The following MARCHF5 variants were observed in gnomAD, a reference collection of about 807,000 sequenced individuals.
MARCHF5 encodes the protein E3 ubiquitin-protein ligase MARCHF5.
MARCHF5 carries 5 observed loss-of-function variants against 36.5 expected under a neutral mutation model. That is an observed-to-expected ratio of 0.14 (90% CI 0.07 to 0.29). The LOEUF is 0.29. Among genes scored for constraint, MARCHF5 ranks in the 10% least tolerant of loss-of-function variants. The pLI is 1.00. For synonymous variants in MARCHF5, 103 were observed against 109.9 expected (o/e 0.94, Z 0.39); for missense variants, 179 against 336.3 (o/e 0.53, Z 3.66).
At chr10:92,315,833 C>G (rs1299268431) in intron 2 of MARCHF5, among the ~76,000 whole-genome samples, 1 of 152,188 alleles carries the variant, frequency 6.6e-6, no homozygotes, top group Non-Finnish European at 1.5e-5. Context: ...TTAGCCCTTT[C>G]CTTTTCATTT....
chr10:92,292,901 A>AG (rs1251582397), intron 1 of MARCHF5, among the ~76,000 whole-genome samples: 1 of 152,128 alleles, frequency 6.6e-6, no homozygotes, highest in Non-Finnish European at 1.5e-5. Flanking sequence ...CCAGTTGTCT[A>AG]GGGGGTCTGA....
intron 1 of MARCHF5, among the ~76,000 whole-genome samples, chr10:92,305,278 G>T (rs1288930745): frequency 6.6e-6 from 1 of 151,952 alleles, no homozygotes; most frequent in Non-Finnish European, 1.5e-5. Context: ...GTGGTGGCAC[G>T]TGCCTGTAGT....
chr10:92,340,343 A>G (rs1320426942), intron 2 of MARCHF5, among the ~76,000 whole-genome samples: 1 of 152,258 alleles, frequency 6.6e-6, no homozygotes, highest in Non-Finnish European at 1.5e-5. Context: ...GAAATTCTCA[A>G]CTATTCTAGT....
At chr10:92,302,332 G>A (rs1843025110) in intron 1 of MARCHF5, among the ~76,000 whole-genome samples, 1 of 152,152 alleles carries the variant, frequency 6.6e-6, no homozygotes, top group Admixed American at 6.5e-5. Context: ...CCACTAGGAT[G>A]AACGGACATA....
chr10:92,298,759 C>T (rs896409017), intron 1 of MARCHF5, among the ~76,000 whole-genome samples: 26 of 152,160 alleles, frequency 1.7e-4, no homozygotes, highest in Admixed American at 1.5e-3. Flanking sequence ...GACGGGCTTT[C>T]GCCGTGTTGC....
intron 1 of MARCHF5, among the ~76,000 whole-genome samples, chr10:92,304,169 A>G (rs1341859874): frequency 1.3e-5 from 2 of 152,216 alleles, no homozygotes; most frequent in Non-Finnish European, 2.9e-5. Context: ...CAGGGTGCCA[A>G]GTAGAATTGC....
intron 1 of MARCHF5, among the ~76,000 whole-genome samples, chr10:92,295,420 T>A (rs546273468): frequency 1.4e-5 from 2 of 147,622 alleles, no homozygotes; most frequent in Admixed American, 1.3e-4. Flanking sequence ...TTTTATTTTT[T>A]TTTTTGAGAC....
chr10:92,319,029 C>T (rs1180001518), intron 2 of MARCHF5, among the ~76,000 whole-genome samples: 1 of 152,204 alleles, frequency 6.6e-6, no homozygotes. Flanking sequence ...TAACTATAGC[C>T]GTACTACACT....
intron 3 of MARCHF5, among the ~76,000 whole-genome samples, chr10:92,343,044 T>C (rs1362767096): frequency 6.6e-6 from 1 of 152,096 alleles, no homozygotes; most frequent in South Asian, 2.1e-4. Flanking sequence ...CTGACATGAG[T>C]GTAGTGAATA....
At chr10:92,340,581 G>GGAA in intron 2 of MARCHF5, 92 bp from the exon 3 acceptor site, 1 of 1,203,382 alleles carries the variant, frequency 8.3e-7, no homozygotes, top group Admixed American at 2.4e-5. Flanking sequence ...CTTGTTGGGG[G>GGAA]GAAGGTATTT....
intron 1 of MARCHF5, among the ~76,000 whole-genome samples, chr10:92,302,208 C>CAGAT (rs1025418265): frequency 1.3e-5 from 2 of 152,044 alleles, no homozygotes; most frequent in African/African-American, 4.8e-5. Flanking sequence ...GTTGAATGAA[C>CAGAT]AGATGCAGAA....
At chr10:92,298,723 C>T (rs903894110) in intron 1 of MARCHF5, among the ~76,000 whole-genome samples, 3 of 152,100 alleles carry the variant, frequency 2.0e-5, no homozygotes, top group East Asian at 1.9e-4. Flanking sequence ...ACTGCATGTC[C>T]AGCTAATTTT....
chr10:92,320,341 T>C (rs1412050163), intron 2 of MARCHF5, among the ~76,000 whole-genome samples: 1 of 152,074 alleles, frequency 6.6e-6, no homozygotes, highest in Non-Finnish European at 1.5e-5. Context: ...ACAGGCATGA[T>C]CCACCATACC....
chr10:92,334,306 G>A (rs1303743369), intron 2 of MARCHF5, among the ~76,000 whole-genome samples: 1 of 152,322 alleles, frequency 6.6e-6, no homozygotes, highest in Non-Finnish European at 1.5e-5. Flanking sequence ...TGTCTTGCTT[G>A]TTGAATCTCT....
intron 2 of MARCHF5, among the ~76,000 whole-genome samples, chr10:92,318,954 G>A (rs553290418): frequency 1.5e-4 from 23 of 152,222 alleles, no homozygotes; most frequent in African/African-American, 4.1e-4. Flanking sequence ...TGATCCACCC[G>A]CCTCGGCCTC....
intron 1 of MARCHF5, among the ~76,000 whole-genome samples, chr10:92,298,832 G>A (rs571898022): frequency 6.6e-6 from 1 of 152,060 alleles, no homozygotes; most frequent in South Asian, 2.1e-4. Context: ...CATAGTGCTG[G>A]GATTACAGGC....
intron 3 of MARCHF5, among the ~76,000 whole-genome samples, chr10:92,347,526 TA>T (rs1203697041): frequency 1.3e-3 from 132 of 105,234 alleles, no homozygotes; most frequent in African/African-American, 4.4e-3. Flanking sequence ...AGATAGATGA[TA>T]GATATATAGA....
At chr10:92,325,982 C>T (rs1843353223) in intron 2 of MARCHF5, among the ~76,000 whole-genome samples, 1 of 152,118 alleles carries the variant, frequency 6.6e-6, no homozygotes, top group Admixed American at 6.6e-5. Context: ...CCCAGCTACT[C>T]TTATTTTATT....
At position 92,327,628 on chromosome 10, in the gene MARCHF5, G is replaced by A. The variant is rs1312600898; in HGVS notation, c.239-13045G>A. ...GATTACACCCATTTAATCTCCCAAC[G>A]GTGTATTGGAGTGCCTGCTTCCCCA... is the stretch of plus-strand genomic sequence containing the variant. On this transcript the variant is annotated intron_variant, in intron 2 of 5. Coordinates refer to ENST00000358935, the MANE Select transcript of MARCHF5 (RefSeq NM_017824.5). Among the ~76,000 whole-genome samples, 5 of 152,116 alleles carry A rather than the reference G, an allele frequency of 3.3e-5. 1 individual carries two copies. The highest frequency in any genetic ancestry group is 3.3e-4 in the Admixed American group (5 of 15,256).
Sources: allele counts gnomAD v4.1 joint callset (sites outside exome capture counted in the v4.1 genomes callset), GRCh38; gene constraint gnomAD v4.1.1; transcripts MANE v1.5; gene names NCBI Gene and HGNC (gene_info 2026-07-23, HGNC 2026-07-21).